The following SYCE1 variants were observed in gnomAD, a reference collection of about 807,000 sequenced individuals.
SYCE1 encodes synaptonemal complex central element protein 1, also known as cancer/testis antigen 76.
Under a neutral mutation model 55.1 loss-of-function variants are expected in SYCE1, and 37 were observed. That is an observed-to-expected ratio of 0.67 (90% CI 0.52 to 0.88). The LOEUF (loss-of-function observed/expected upper bound fraction) is 0.88. Among genes scored for constraint, SYCE1 ranks in the 40% least tolerant of loss-of-function variants. The probability of loss-of-function intolerance (pLI) is 0.00; values close to 1 mark genes in which losing one functional copy is unlikely to be tolerated. For synonymous variants in SYCE1, 163 were observed against 159.4 expected (o/e 1.02, Z -0.17); for missense variants, 399 against 416.4 (o/e 0.96, Z 0.36).
Position 133,563,132 on chromosome 10 carries a change from T to C in SYCE1, c.73+2325A>G, listed in dbSNP as rs1318454545. 2.1e-5 allele frequency among the ~76,000 whole-genome samples: 3 copies of C among 141,148 alleles called. No homozygotes were observed. In the East Asian group the frequency reaches 5.8e-4, roughly 27 times the overall value. The allele number at this position is 141,148 out of a possible 152,430, so 92.6% of individuals were successfully genotyped here. A position where few individuals can be genotyped will look rare whatever the true frequency, so the allele number is the denominator to read the frequency against. ...CCTATGTTTCCAAACGTGTTTATCT[T>C]TGTCAACCAGATATGCAAAATTAAG... On this transcript the variant is annotated intron_variant, in intron 1 of 12. Coordinates refer to ENST00000343131, the MANE Select transcript of SYCE1 (RefSeq NM_001143764.3).
At chr10:133,557,024 C>T in intron 7 of SYCE1, 43 bp downstream of exon 7, 2 of 1,583,542 alleles carry the variant, frequency 1.3e-6, no homozygotes, top group Non-Finnish European at 1.7e-6. Context: ...TATATCCCAA[C>T]TACTGGCCAT....
chr10:133,568,173 C>T (rs1219141614), upstream of SYCE1: 2 of 990,502 alleles, frequency 2.0e-6, no homozygotes, highest in Admixed American at 2.0e-5. Flanking sequence ...GGTCCAGCGC[C>T]CGAAGTCCAC....
chr10:133,564,322 C>T (rs1851878954), intron 1 of SYCE1: 5 of 939,046 alleles, frequency 5.3e-6, no homozygotes, highest in Non-Finnish European at 6.3e-6. Flanking sequence ...AACTTCTAGC[C>T]TCGAAAACTG....
chr10:133,558,625 A>G (rs2133620408), intron 4 of SYCE1: 1 of 546,704 alleles, frequency 1.8e-6, no homozygotes, highest in East Asian at 3.1e-5. Context: ...TGATGATGTG[A>G]GGAAAGAGGA....
In SYCE1 at chr10:133,559,499, G is replaced by A; in HGVS notation, c.137-139C>T. 5 of 793,296 alleles carry A rather than the reference G, an allele frequency of 6.3e-6. No homozygotes were observed. The South Asian group carries it at 6.3e-5, about 10-fold the overall frequency. The allele number at this position is 793,296 out of a possible 1,614,324, so 49.1% of individuals were successfully genotyped here. On this transcript the variant is annotated intron_variant, in intron 2 of 12. Transcript: ENST00000343131. ...CAGGTGCTCTGTGGGGCCCTCACGGGGCTCACGTTCTGGGTGGGCAAGACT... is the reference window on the plus strand; with the variant it reads ...CAGGTGCTCTGTGGGGCCCTCACGGAGCTCACGTTCTGGGTGGGCAAGACT...
Position 133,555,378 on chromosome 10 carries a change from T to C in SYCE1, c.891A>G (p.Gln297=), listed in dbSNP as rs1157827295. The C allele has an allele frequency of 1.9e-6, 3 of 1,613,940 alleles. No homozygotes were observed. The highest frequency in any genetic ancestry group is 1.3e-5 in the African/African-American group (1 of 74,910). The change falls in exon 12 of 13, where the codon CAA becomes CAG. Residue 297 remains glutamine (Q), a synonymous_variant. Transcript: ENST00000343131. ...CATCTCCTGGGCCAGCCTCTTCCTCTTGTGTGCTCTGGGCTTGGGCAGGGA... is the reference window on the plus strand; with the variant it reads ...CATCTCCTGGGCCAGCCTCTTCCTCCTGTGTGCTCTGGGCTTGGGCAGGGA... ...MQVPAQAQST[Q]EEEAGPGDVA...
chr10:133,559,703 T>C (rs1210922294), intron 2 of SYCE1: 1 of 414,444 alleles, frequency 2.4e-6, no homozygotes, highest in African/African-American at 2.0e-5. Context: ...TGGGTGGGGT[T>C]GGGAGGTAGT....
At chr10:133,554,164 G>C, downstream of SYCE1, 1 of 801,270 alleles carries the variant, frequency 1.2e-6, no homozygotes, top group Non-Finnish European at 2.1e-6. Flanking sequence ...TTGCCAGTTT[G>C]TTTAAGACAG....
In SYCE1 at chr10:133,558,944, CT is replaced by C; in HGVS notation, c.203del (p.Lys68ArgfsTer7). ...NRINEVQQAK[K>X]KANKDLGEAR... Reference sequence around the variant, plus strand: ...CCTCTCCTAGGTCTTTATTGGCTTTCTTTTTTGCTTCACCAAAGAGCAGAAA... The same window carrying C: ...CCTCTCCTAGGTCTTTATTGGCTTTCTTTTTGCTTCACCAAAGAGCAGAAA... On this transcript the variant is annotated frameshift_variant, in exon 4 of 13. Coordinates refer to ENST00000343131, the MANE Select transcript of SYCE1 (RefSeq NM_001143764.3). LOFTEE classifies it high-confidence loss of function. 1 of 1,610,678 alleles carries C rather than the reference CT, an allele frequency of 6.2e-7. No individual in the cohort carries two copies. The highest frequency in any genetic ancestry group is 1.1e-5 in the South Asian group (1 of 90,288).
downstream of SYCE1, chr10:133,554,823 CA>C (rs1851611645): frequency 2.1e-6 from 3 of 1,451,688 alleles, no homozygotes; most frequent in East Asian, 7.5e-5. Flanking sequence ...TGGCAGGTAC[CA>C]GAGATGAGCA....
intron 2 of SYCE1, chr10:133,559,635 A>G (rs1169589899): frequency 6.4e-6 from 3 of 466,808 alleles, no homozygotes; most frequent in African/African-American, 3.9e-5. Flanking sequence ...CTCCTGAGAT[A>G]TGGGAAGGGA....
At chr10:133,553,926 C>CT (rs79413613), downstream of SYCE1, 16,783 of 175,222 alleles carry the variant, frequency 0.096, 962 homozygotes, top group East Asian at 0.25. Context: ...ATTTATTAGT[C>CT]TTTTTTTTTC....
At chr10:133,567,311 G>A (rs185929101), upstream of SYCE1, among the ~76,000 whole-genome samples, 63 of 151,818 alleles carry the variant, frequency 4.1e-4, no homozygotes, top group African/African-American at 1.5e-3. Context: ...AGCAGTTAGG[G>A]TTAAGGTTTA....
At chr10:133,559,406 G>T in intron 2 of SYCE1, 46 bp from the exon 3 acceptor site, 1 of 1,593,984 alleles carries the variant, frequency 6.3e-7, no homozygotes, top group Non-Finnish European at 8.6e-7. Context: ...GGCAGAGTTG[G>T]GGCGGTTGCC....
At position 133,557,816 on chromosome 10, in the gene SYCE1, C is replaced by G. The variant is rs762142960; in HGVS notation, c.374+48G>C. 19 of 1,600,772 alleles carry G rather than the reference C, an allele frequency of 1.2e-5. No homozygotes were observed. In the South Asian group the frequency reaches 2.0e-4, roughly 17 times the overall value. On this transcript the variant is annotated intron_variant, in intron 6 of 12. Transcript: ENST00000343131. ...CATCTTCCTGCCTCTTTCTGCTCTA[C>G]CAGAATAAAGAGGTAGTGCAGAGTT...
At chr10:133,554,310 G>T, downstream of SYCE1, 1 of 1,614,044 alleles carries the variant, frequency 6.2e-7, no homozygotes, top group Non-Finnish European at 8.5e-7. Flanking sequence ...CATGTCACTG[G>T]TCTACCTGGT....
upstream of SYCE1, chr10:133,568,192 G>C (rs1261466786): frequency 1.9e-6 from 2 of 1,062,136 alleles, no homozygotes; most frequent in South Asian, 2.7e-5. Context: ...ACGTACAGTA[G>C]CTGTAGATGC....
Position 133,555,020 on chromosome 10 carries a change from C to T in SYCE1, c.1028G>A (p.Gly343Asp). 1.3e-6 allele frequency: 2 copies of T among 1,550,278 alleles called. No individual in the cohort carries two copies. Among genetic ancestry groups the T allele is most frequent in the South Asian group, 1.2e-5 (1 of 83,830 alleles). The change falls in exon 13 of 13, where the codon GGC becomes GAC. Residue 343 changes from glycine to aspartate, a missense_variant. By Grantham distance (94) the Gly-to-Asp change is moderately conservative. Transcript: ENST00000343131. ...DTLHPDLSPRGFQEIKELF is the reference protein window; with the variant it reads ...DTLHPDLSPRDFQEIKELF ...AAATAGCTCCTTTATTTCCTGAAAG[C>T]CCCTTGGGCTAAGGTCGGGGTGGAG...
chr10:133,558,000 G>A, intron 5 of SYCE1, 82 bp from the exon 6 acceptor site: 1 of 1,565,320 alleles, frequency 6.4e-7, no homozygotes, highest in South Asian at 1.1e-5. Flanking sequence ...GATCATGTCA[G>A]GTCTGTGGAC....
Sources: gnomAD v4.1 joint callset for allele counts (sites outside exome capture counted in the v4.1 genomes callset) on GRCh38, gnomAD v4.1.1 for gene constraint, MANE v1.5 for transcripts, NCBI Gene and HGNC (gene_info 2026-07-23, HGNC 2026-07-21) for gene names.